ADGRE2: variants seen among roughly 807,000 people sequenced by gnomAD.
ADGRE2 encodes CD97 antigen.
A neutral mutation model predicts 100.8 loss-of-function variants in ADGRE2; 83 were observed. The observed-to-expected ratio is 0.82, with a 90% CI of 0.69 to 0.99. ADGRE2 has a LOEUF of 0.99. Among genes scored for constraint, ADGRE2 ranks in the 50% least tolerant of loss-of-function variants. The probability of loss-of-function intolerance (pLI) is 0.00; values close to 1 mark genes in which losing one functional copy is unlikely to be tolerated. For missense variants in ADGRE2, 814 were observed against 1,035.7 expected (o/e 0.79, Z 2.94); for synonymous variants, 355 against 413.0 (o/e 0.86, Z 1.70).
intron 16 of ADGRE2, among the ~76,000 whole-genome samples, chr19:14,749,500 TATA>T (rs1366756604): frequency 7.2e-6 from 1 of 139,630 alleles, no homozygotes; most frequent in Non-Finnish European, 1.5e-5. Context: ...AGTTATGTAA[TATA>T]ATTATTTATA....
At chr19:14,767,659 G>A (rs2044043043) in intron 5 of ADGRE2, among the ~76,000 whole-genome samples, 1 of 152,148 alleles carries the variant, frequency 6.6e-6, no homozygotes, top group Admixed American at 6.5e-5. Flanking sequence ...TGCCTCCCTG[G>A]GCAGCTCCCA....
At chr19:14,776,203 G>A (rs902798447) in intron 2 of ADGRE2, among the ~76,000 whole-genome samples, 1 of 152,072 alleles carries the variant, frequency 6.6e-6, no homozygotes, top group Admixed American at 6.6e-5. Context: ...AAGAGGCAGA[G>A]GTAGAGAGAA....
At chr19:14,724,574 T>A in the ADGRE2 span, among the ~76,000 whole-genome samples, 2 of 152,204 alleles carry the variant, frequency 1.3e-5, no homozygotes, top group East Asian at 1.9e-4. Flanking sequence ...GAGACCAGCC[T>A]GGCCAACATG....
At position 14,746,375 on chromosome 19, in the gene ADGRE2, C is replaced by CTTTTT. The variant is rs34368264; in HGVS notation, c.2092-57_2092-53dup. The CTTTTT allele has an allele frequency of 2.3e-3, 1,783 of 777,816 alleles. 55 individuals carry two copies. In the African/African-American group the frequency reaches 0.031, roughly 13 times the overall value. 48.2% of individuals were successfully genotyped at this position (777,816 alleles called of 1,614,324 possible). On this transcript the variant is annotated intron_variant, in intron 17 of 20. Transcript: ENST00000315576. ...GAATAGATTTTGAAACCTGTTATCTCTTTTTTTTTTTTTTTCAGACAGGGT... is the reference window on the plus strand; with the variant it reads ...GAATAGATTTTGAAACCTGTTATCTCTTTTTTTTTTTTTTTTTTTTCAGACAGGGT...
At chr19:14,731,094 T>A (rs1289650388), downstream of ADGRE2, 163 of 1,076,290 alleles carry the variant, frequency 1.5e-4, no homozygotes, top group Non-Finnish European at 1.9e-4. Flanking sequence ...TCCTGCCCCC[T>A]CCCCCCAAGG....
the ADGRE2 span, among the ~76,000 whole-genome samples, chr19:14,727,024 CTTTTTTT>C: frequency 1.4e-4 from 10 of 70,100 alleles, no homozygotes; most frequent in African/African-American, 3.8e-4. Flanking sequence ...AGAAAAGAGG[CTTTTTTT>C]TTTTTTTTTT....
At chr19:14,743,868 G>C in intron 18 of ADGRE2, 84 bp from the exon 19 acceptor site, 1 of 1,232,294 alleles carries the variant, frequency 8.1e-7, no homozygotes, top group Admixed American at 2.0e-5. Context: ...GGAGTCCCCT[G>C]CCCTCCCCTG....
rs1555784864 is a variant in ADGRE2, at chr19:14,754,477, A to ATCTG, written c.1590+476_1590+477insCAGA. Among the ~76,000 whole-genome samples, 1,463 of 150,260 alleles carry ATCTG rather than the reference A, an allele frequency of 9.7e-3. 29 individuals are homozygous for ATCTG. Among genetic ancestry groups the ATCTG allele is most frequent in the East Asian group, 0.039 (201 of 5,100 alleles). Reference sequence around the variant, plus strand: ...TATCTATCTATCTATCTATCTATCTATCTATCTATCTATTCCATTAGTTCT... The same window carrying ATCTG: ...TATCTATCTATCTATCTATCTATCTATCTGTCTATCTATCTATTCCATTAGTTCT... On this transcript the variant is annotated intron_variant, in intron 14 of 20. Coordinates refer to ENST00000315576, the MANE Select transcript of ADGRE2 (RefSeq NM_013447.4).
chr19:14,768,282 G>A (rs1244633145), intron 5 of ADGRE2, among the ~76,000 whole-genome samples: 2 of 152,212 alleles, frequency 1.3e-5, no homozygotes, highest in African/African-American at 4.8e-5. Context: ...TGGACAGTGG[G>A]TCCCAGGCCA....
At position 14,735,960 on chromosome 19, in the gene ADGRE2, C is replaced by G. The variant is rs1305406587; in HGVS notation, c.*276G>C. The G allele has an allele frequency of 6.2e-6, 2 of 323,940 alleles. No individual in the cohort carries two copies. The highest frequency in any genetic ancestry group is 9.7e-5 in the Admixed American group (2 of 20,590). The allele number at this position is 323,940 out of a possible 1,614,324, so 20.1% of individuals were successfully genotyped here. A position where few individuals can be genotyped will look rare whatever the true frequency, so the allele number is the denominator to read the frequency against. On this transcript the variant is annotated 3_prime_UTR_variant, in exon 21 of 21. Coordinates refer to ENST00000315576, the MANE Select transcript of ADGRE2 (RefSeq NM_013447.4). ...TGAAAGAGGTCTTAACGTTCTATAG[C>G]TTCATAAATATTGTGCTTCAGAGTG...
At chr19:14,774,940 C>G (rs1421896378) in intron 2 of ADGRE2, among the ~76,000 whole-genome samples, 1 of 150,482 alleles carries the variant, frequency 6.6e-6, no homozygotes, top group Non-Finnish European at 1.5e-5. Flanking sequence ...TCCCAAAGTG[C>G]TAGGATTACA....
chr19:14,770,669 CTTTTTT>C (rs775214778), intron 5 of ADGRE2, among the ~76,000 whole-genome samples: 14 of 85,012 alleles, frequency 1.6e-4, no homozygotes, highest in African/African-American at 5.1e-4. Flanking sequence ...TCTTTCTTTT[CTTTTTT>C]TTTTTTTTTT....
chr19:14,725,417 A>G, the ADGRE2 span, among the ~76,000 whole-genome samples: 1 of 152,140 alleles, frequency 6.6e-6, no homozygotes, highest in Non-Finnish European at 1.5e-5. Context: ...GCAAAATACA[A>G]TCATCCCTTC....
rs1010913333 is a variant in ADGRE2 at position 14,754,929 on chromosome 19, G to A, written c.1590+25C>T. 5.0e-6 allele frequency: 8 copies of A among 1,608,322 alleles called. No homozygotes were observed. The African/African-American group carries it at 9.4e-5, about 19-fold the overall frequency. On this transcript the variant is annotated intron_variant, in intron 14 of 20. Transcript: ENST00000315576. ...TTTGTTACACGGCAATAAATGCAGAGTGCATCCCCTCCTAAGGGTCTCACC... is the reference window on the plus strand; with the variant it reads ...TTTGTTACACGGCAATAAATGCAGAATGCATCCCCTCCTAAGGGTCTCACC...
chr19:14,768,123 G>C (rs1336230053), intron 5 of ADGRE2, among the ~76,000 whole-genome samples: 1 of 152,226 alleles, frequency 6.6e-6, no homozygotes, highest in African/African-American at 2.4e-5. Flanking sequence ...CACTGGCTGA[G>C]TTATCAGAAT....
chr19:14,739,248 G>C (rs1283656438), intron 20 of ADGRE2, among the ~76,000 whole-genome samples: 1 of 152,126 alleles, frequency 6.6e-6, no homozygotes, highest in African/African-American at 2.4e-5. Context: ...GGGATTACAG[G>C]TGTGAGCCAG....
chr19:14,728,068 C>A (rs930293764), downstream of ADGRE2, among the ~76,000 whole-genome samples: 10 of 152,130 alleles, frequency 6.6e-5, no homozygotes, highest in African/African-American at 2.2e-4. Context: ...TGAAAATTAG[C>A]CGGGTGTGGT....
Position 14,774,020 on chromosome 19 carries a change from A to G in ADGRE2, c.117T>C (p.Cys39=). The change falls in exon 4 of 21, where the codon TGT becomes TGC. Residue 39 remains cysteine, a synonymous_variant. Transcript: ENST00000315576. ...TGCAGCGACAGGCGGTGGCATTGAC[A>G]CACGAGGAGTCCTGAGGGCACCACC... The part of the protein sequence containing the change: ...CARWCPQDSS[C]VNATACRCNP... 1 of 1,614,038 alleles carries G rather than the reference A, an allele frequency of 6.2e-7. No individual in the cohort carries two copies. The highest frequency in any genetic ancestry group is 8.5e-7 in the Non-Finnish European group (1 of 1,180,010).
Position 14,772,326 on chromosome 19 carries a change from G to A in ADGRE2, c.355+16C>T, listed in dbSNP as rs1229228909. On this transcript the variant is annotated intron_variant, in intron 5 of 20. Coordinates refer to ENST00000315576, the MANE Select transcript of ADGRE2 (RefSeq NM_013447.4). ...CTCATGGACAGTGGTGATGGAGGAT[G>A]TGGGGTGGTTCTTACCTTGACACGT... The A allele has an allele frequency of 1.2e-6, 2 of 1,614,108 alleles. No individual in the cohort carries two copies. Among genetic ancestry groups the A allele is most frequent in the South Asian group, 1.1e-5 (1 of 91,084 alleles).
Sources: allele counts gnomAD v4.1 joint callset (sites outside exome capture counted in the v4.1 genomes callset), GRCh38; gene constraint gnomAD v4.1.1; transcripts MANE v1.5; gene names NCBI Gene and HGNC (gene_info 2026-07-23, HGNC 2026-07-21).